Variants in CERS6 observed in about 807,000 individuals in gnomAD.
CERS6 encodes the protein LAG1 homolog, ceramide synthase 6.
CERS6 carries 26 observed loss-of-function variants against 56.8 expected under a neutral mutation model. The ratio of observed to expected loss-of-function variants is 0.46; its 90% confidence interval spans 0.34 to 0.63. The LOEUF (loss-of-function observed/expected upper bound fraction) is 0.63, where lower values mean the gene tolerates loss of function less well. Among genes scored for constraint, CERS6 ranks in the 30% least tolerant of loss-of-function variants. The pLI is 0.01. For missense variants in CERS6, 415 were observed against 467.5 expected (o/e 0.89, Z 1.04); for synonymous variants, 164 against 173.3 (o/e 0.95, Z 0.42).
chr2:168,765,220 G>T (rs1684695909), intron 8 of CERS6, among the ~76,000 whole-genome samples: 1 of 152,150 alleles, frequency 6.6e-6, no homozygotes, highest in African/African-American at 2.4e-5. Context: ...TCTTGGTTTT[G>T]AAAGATGAAA....
intron 8 of CERS6, among the ~76,000 whole-genome samples, chr2:168,752,531 C>T (rs762494663): frequency 2.2e-4 from 33 of 152,158 alleles, no homozygotes; most frequent in Non-Finnish European, 7.3e-5. Flanking sequence ...CCAGGTCACA[C>T]CCAGCCAGTC....
At chr2:168,759,979 A>G (rs890021879) in intron 8 of CERS6, among the ~76,000 whole-genome samples, 1 of 151,716 alleles carries the variant, frequency 6.6e-6, no homozygotes, top group South Asian at 2.1e-4. Context: ...ATTCCTATAT[A>G]CAATATAGTG....
intron 2 of CERS6, among the ~76,000 whole-genome samples, chr2:168,559,550 C>T (rs1363118672): frequency 2.0e-5 from 3 of 151,248 alleles, no homozygotes; most frequent in African/African-American, 7.3e-5. Flanking sequence ...TCTAGTGTCT[C>T]TTCTAATAAC....
intron 8 of CERS6, among the ~76,000 whole-genome samples, chr2:168,728,385 C>G (rs1683412516): frequency 7.6e-6 from 1 of 131,794 alleles, no homozygotes; most frequent in African/African-American, 2.9e-5. Context: ...AATGCAACTA[C>G]TCTTTTTTTT....
intron 4 of CERS6, among the ~76,000 whole-genome samples, chr2:168,660,252 A>G (rs905567837): frequency 6.6e-5 from 10 of 152,326 alleles, no homozygotes; most frequent in African/African-American, 2.4e-4. Context: ...AAGAGAATCT[A>G]AAACCTAGCT....
chr2:168,486,162 G>A (rs1203465456), intron 1 of CERS6, among the ~76,000 whole-genome samples: 1 of 152,044 alleles, frequency 6.6e-6, no homozygotes, highest in Non-Finnish European at 1.5e-5. Context: ...CAAGGTGTCT[G>A]TTTAGATTTT....
intron 1 of CERS6, among the ~76,000 whole-genome samples, chr2:168,536,259 T>C (rs1695261568): frequency 6.6e-6 from 1 of 152,204 alleles, no homozygotes; most frequent in Admixed American, 6.5e-5. Context: ...ATCAGAGTTC[T>C]GTACTGTCAG....
intron 6 of CERS6, among the ~76,000 whole-genome samples, chr2:168,705,962 A>C (rs958682200): frequency 1.3e-5 from 2 of 152,196 alleles, no homozygotes; most frequent in South Asian, 4.1e-4. Context: ...TGTGCAAACT[A>C]GTGTGATTGA....
chr2:168,495,416 A>G (rs1694448380), intron 1 of CERS6, among the ~76,000 whole-genome samples: 1 of 152,212 alleles, frequency 6.6e-6, no homozygotes, highest in African/African-American at 2.4e-5. Flanking sequence ...GGAGTTGTAA[A>G]AATGCACAAT....
intron 3 of CERS6, among the ~76,000 whole-genome samples, chr2:168,605,645 C>T (rs1426850038): frequency 6.6e-6 from 1 of 152,142 alleles, no homozygotes; most frequent in Non-Finnish European, 1.5e-5. Flanking sequence ...TGGGCTAGGC[C>T]CAGGACCCTG....
At chr2:168,718,783 C>T (rs900544376) in intron 8 of CERS6, among the ~76,000 whole-genome samples, 4 of 152,316 alleles carry the variant, frequency 2.6e-5, no homozygotes, top group East Asian at 1.9e-4. Flanking sequence ...ACTGTTAGAT[C>T]GTCATGCCTG....
chr2:168,552,597 A>G lies in CERS6; in HGVS notation c.276+4896A>G, dbSNP rs1369670052. ...GTGTCAGGAAAGCCAGCACAAAAGC[A>G]CTTCTCAAGAGTTGAGGAGACAAAA... is the stretch of plus-strand genomic sequence containing the variant. On this transcript the variant is annotated intron_variant, in intron 2 of 9. Transcript: ENST00000305747. Among the ~76,000 whole-genome samples, 3 of 152,092 alleles carry G rather than the reference A, an allele frequency of 2.0e-5. No individual in the cohort carries two copies. In the East Asian group the frequency reaches 5.8e-4, roughly 29 times the overall value.
At chr2:168,755,028 C>A (rs1684377869) in intron 8 of CERS6, among the ~76,000 whole-genome samples, 1 of 152,226 alleles carries the variant, frequency 6.6e-6, no homozygotes, top group African/African-American at 2.4e-5. Flanking sequence ...CCTCAGCCTC[C>A]CAAAGCTCTG....
intron 2 of CERS6, among the ~76,000 whole-genome samples, chr2:168,555,075 G>C (rs1450209307): frequency 6.6e-6 from 1 of 151,824 alleles, no homozygotes; most frequent in Middle Eastern, 3.2e-3. Context: ...AGATCTAAGG[G>C]GGTACATTTA....
rs115968516 is a variant in CERS6 at position 168,600,121 on chromosome 2, A to C, written c.408-30864A>C. Among the ~76,000 whole-genome samples the C allele has an allele frequency of 4.4e-3, 667 of 151,760 alleles. 8 individuals carry two copies. The highest frequency in any genetic ancestry group is 0.015 in the African/African-American group (621 of 41,368). On this transcript the variant is annotated intron_variant, in intron 3 of 9. Coordinates refer to ENST00000305747, the MANE Select transcript of CERS6 (RefSeq NM_203463.3). ...CCTTTCCTTTCTCTCCATGAACATT[A>C]TAGGTGACAGTAGTGTCTGCTTAGT... is the stretch of plus-strand genomic sequence containing the variant.
At chr2:168,547,566 C>T (rs759228853) in intron 1 of CERS6, 30 bp from the exon 2 acceptor site, 2 of 1,393,690 alleles carry the variant, frequency 1.4e-6, no homozygotes, top group South Asian at 1.2e-5. Flanking sequence ...AAATTCTGAC[C>T]TTCTACTTTT....
At chr2:168,607,558 T>G (rs1684082142) in intron 3 of CERS6, among the ~76,000 whole-genome samples, 1 of 152,128 alleles carries the variant, frequency 6.6e-6, no homozygotes, top group Non-Finnish European at 1.5e-5. Flanking sequence ...ATTTTTGTAT[T>G]TTTAGTAGAG....
At position 168,679,117 on chromosome 2, in the gene CERS6, A is replaced by ATC. The variant is rs1418373072; in HGVS notation, c.466-11915_466-11914dup. ...TACTGTATGATCTTATTCGTGTGGG[A>ATC]TCTATTTTAAAAAGTTATCATAGAA... is the stretch of plus-strand genomic sequence containing the variant. On this transcript the variant is annotated intron_variant, in intron 4 of 9. Coordinates refer to ENST00000305747, the MANE Select transcript of CERS6 (RefSeq NM_203463.3). 2.6e-5 allele frequency among the ~76,000 whole-genome samples: 4 copies of ATC among 152,170 alleles called. No individual in the cohort carries two copies. In the East Asian group the frequency reaches 5.8e-4, roughly 22 times the overall value.
At chr2:168,644,934 A>G (rs754076386) in intron 4 of CERS6, among the ~76,000 whole-genome samples, 1 of 150,676 alleles carries the variant, frequency 6.6e-6, no homozygotes, top group Non-Finnish European at 1.5e-5. Flanking sequence ...TCTATTAAAA[A>G]TACAAAAATT....
Sources: gnomAD v4.1 joint callset for allele counts (sites outside exome capture counted in the v4.1 genomes callset) on GRCh38, gnomAD v4.1.1 for gene constraint, MANE v1.5 for transcripts, NCBI Gene and HGNC (gene_info 2026-07-23, HGNC 2026-07-21) for gene names.